Variants in TSNARE1 observed in about 807,000 individuals in gnomAD.
TSNARE1 encodes the protein t-SNARE domain-containing protein 1.
A neutral mutation model predicts 62.0 loss-of-function variants in TSNARE1; 49 were observed. The observed-to-expected ratio is 0.79, with a 90% CI of 0.63 to 1.00. The LOEUF (loss-of-function observed/expected upper bound fraction) is 1.00, where lower values mean the gene tolerates loss of function less well. TSNARE1 is among the 50% of genes least tolerant of loss of function. The pLI is 0.00. For synonymous variants in TSNARE1, 328 were observed against 294.4 expected, an observed-to-expected ratio of 1.11 and a Z score of -1.17; for missense variants, 755 against 700.1, an observed-to-expected ratio of 1.08 and a Z score of -0.88.
rs554437964 is a variant in TSNARE1 at position 142,253,154 on chromosome 8, C to T, written c.1446+21627G>A. On this transcript the variant is annotated intron_variant, in intron 12 of 13. Transcript: ENST00000524325. ...CTGGGCTCTGCCACGGGTGAGAGTG[C>T]GGAGGTGGACAGGCTGGCGACAGCC... is the stretch of plus-strand genomic sequence containing the variant. 1.7e-4 allele frequency among the ~76,000 whole-genome samples: 26 copies of T among 152,280 alleles called. No individual in the cohort carries two copies. The South Asian group carries it at 3.7e-3, about 22-fold the overall frequency.
chr8:142,227,509 ACAGCCAGGCCCCCCATTCTGCC>A lies in TSNARE1; in HGVS notation c.*11+1942_*11+1963del, dbSNP rs1453960359. Among the ~76,000 whole-genome samples the A allele has an allele frequency of 3.3e-5, 5 of 151,758 alleles. No homozygotes were observed. The South Asian group carries it at 1.0e-3, about 32-fold the overall frequency. The stretch of plus-strand genomic sequence containing the variant: ...CCCATTCCTGCCCATAACCCCAGTG[ACAGCCAGGCCCCCCATTCTGCC>A]CACAACCCCAACACCAGCAGCTCTG... On this transcript the variant is annotated intron_variant, in intron 13 of 13. Transcript: ENST00000524325.
intron 1 of TSNARE1, among the ~76,000 whole-genome samples, chr8:142,394,138 C>T (rs570149242): frequency 1.9e-3 from 287 of 152,348 alleles, no homozygotes; most frequent in Non-Finnish European, 3.4e-3. Context: ...CTGCAGGCTG[C>T]CCGTGGGCCC....
At chr8:142,320,315 C>T (rs199892197) in intron 6 of TSNARE1, among the ~76,000 whole-genome samples, 2 of 151,702 alleles carry the variant, frequency 1.3e-5, no homozygotes, top group Non-Finnish European at 2.9e-5. Context: ...GGTGGCCTCC[C>T]GCATCTGCAA....
intron 1 of TSNARE1, among the ~76,000 whole-genome samples, chr8:142,372,643 A>G (rs1835995755): frequency 6.6e-6 from 1 of 152,134 alleles, no homozygotes; most frequent in Non-Finnish European, 1.5e-5. Flanking sequence ...CCCCTCCTCC[A>G]TGAAATGGTC....
chr8:142,292,536 G>A (rs1444844486), intron 10 of TSNARE1, among the ~76,000 whole-genome samples: 1 of 152,148 alleles, frequency 6.6e-6, no homozygotes, highest in Non-Finnish European at 1.5e-5. Context: ...TGTGGTGCAA[G>A]CAGCTCACCC....
chr8:142,311,978 G>A (rs1731500721), intron 9 of TSNARE1, among the ~76,000 whole-genome samples: 1 of 152,200 alleles, frequency 6.6e-6, no homozygotes, highest in Admixed American at 6.5e-5. Flanking sequence ...CCTTTCACAT[G>A]TTAATAACAC....
At chr8:142,352,839 C>A (rs1460247342) in intron 2 of TSNARE1, among the ~76,000 whole-genome samples, 1 of 152,198 alleles carries the variant, frequency 6.6e-6, no homozygotes, top group Non-Finnish European at 1.5e-5. Flanking sequence ...GGTAAAGGAG[C>A]AGGGGCCTGG....
Position 142,319,306 on chromosome 8 carries a change from A to AC in TSNARE1, c.894-673dup, listed in dbSNP as rs770431735. Among the ~76,000 whole-genome samples the AC allele has an allele frequency of 1.2e-3, 186 of 150,696 alleles. No homozygotes were observed. The highest frequency in any genetic ancestry group is 2.2e-3 in the Non-Finnish European group (152 of 67,644). On this transcript the variant is annotated intron_variant, in intron 6 of 13. Coordinates refer to ENST00000524325, the MANE Select transcript of TSNARE1 (RefSeq NM_145003.5). This position sits in a 1 kb window ranked among gnomAD's most constrained non-coding sequence, Gnocchi z 4.9. ...TGGCCCAGGGAGGCCAGCAGTCCCCACCCCCCTGCACACCTCTGAGGGGTG... is the reference window on the plus strand; with the variant it reads ...TGGCCCAGGGAGGCCAGCAGTCCCCACCCCCCCTGCACACCTCTGAGGGGTG...
intron 1 of TSNARE1, among the ~76,000 whole-genome samples, chr8:142,382,246 C>G (rs1024259021): frequency 6.6e-6 from 1 of 152,150 alleles, no homozygotes; most frequent in Non-Finnish European, 1.5e-5. Flanking sequence ...TTCAACTCCA[C>G]GTCAAGCAGA....
intron 1 of TSNARE1, among the ~76,000 whole-genome samples, chr8:142,398,076 G>A (rs1838021515): frequency 6.6e-6 from 1 of 152,126 alleles, no homozygotes; most frequent in Admixed American, 6.5e-5. Flanking sequence ...CAGCACTGCT[G>A]TGCCTTCCCT....
intron 12 of TSNARE1, among the ~76,000 whole-genome samples, chr8:142,249,275 C>T (rs933258005): frequency 1.8e-4 from 27 of 152,322 alleles, no homozygotes; most frequent in African/African-American, 4.6e-4. Context: ...CTGTGCCAGG[C>T]GGCTTCTCTC....
chr8:142,318,894 C>T (rs1019101924), intron 6 of TSNARE1, among the ~76,000 whole-genome samples: 8 of 151,878 alleles, frequency 5.3e-5, no homozygotes, highest in Non-Finnish European at 1.0e-4. Context: ...ACAAGAGCAG[C>T]GATGATTCCC....
At chr8:142,301,801 A>G (rs1586669515) in intron 9 of TSNARE1, among the ~76,000 whole-genome samples, 1 of 151,662 alleles carries the variant, frequency 6.6e-6, no homozygotes, top group Admixed American at 6.6e-5. Context: ...CTTCCTGAAA[A>G]CCCTGCAGGG....
chr8:142,252,765 AT>A (rs1586854417), intron 12 of TSNARE1, among the ~76,000 whole-genome samples: 1 of 152,174 alleles, frequency 6.6e-6, no homozygotes, highest in African/African-American at 2.4e-5. Context: ...GTTTGGAAGC[AT>A]GCTGCCGTGG....
intron 10 of TSNARE1, among the ~76,000 whole-genome samples, chr8:142,292,729 A>G (rs911737134): frequency 1.3e-5 from 2 of 152,084 alleles, no homozygotes; most frequent in Admixed American, 6.5e-5. Context: ...CCAGAACGCC[A>G]CCTAAGCCCC....
intron 1 of TSNARE1, among the ~76,000 whole-genome samples, chr8:142,360,235 G>T (rs1345678022): frequency 2.0e-5 from 3 of 152,190 alleles, no homozygotes; most frequent in African/African-American, 7.2e-5. Flanking sequence ...GGGAGGGCTG[G>T]GCAGGCAGAG....
chr8:142,304,685 C>T (rs1317102669), intron 9 of TSNARE1, among the ~76,000 whole-genome samples: 1 of 152,202 alleles, frequency 6.6e-6, no homozygotes, highest in Non-Finnish European at 1.5e-5. Context: ...GTCCTAGTGT[C>T]GCCTGGAGAG....
At chr8:142,385,680 G>A (rs1837067612) in intron 1 of TSNARE1, among the ~76,000 whole-genome samples, 2 of 152,138 alleles carry the variant, frequency 1.3e-5, no homozygotes, top group African/African-American at 4.8e-5. Flanking sequence ...ATAGTATAAA[G>A]GCAAACACTG....
intron 13 of TSNARE1, among the ~76,000 whole-genome samples, chr8:142,223,260 T>TCAGTCATACTCATTCACTCATTCATC (rs1404690346): frequency 1.6e-5 from 1 of 63,420 alleles, no homozygotes; most frequent in Non-Finnish European, 4.9e-5. Context: ...ACTCATTCAC[T>TCAGTCATACTCATTCACTCATTCATC]CACTCACTCA....
Sources: gnomAD v4.1 joint callset for allele counts (sites outside exome capture counted in the v4.1 genomes callset) on GRCh38, gnomAD v4.1.1 for gene constraint, Gnocchi (gnomAD v3.1) non-coding constraint, MANE v1.5 for transcripts, NCBI Gene and HGNC (gene_info 2026-07-23, HGNC 2026-07-21) for gene names.